The following PRELID2 variants were observed in gnomAD, a reference collection of about 807,000 sequenced individuals.
PRELID2 encodes the protein PRELI domain containing 2, also known as PRELI domain-containing protein 2.
In PRELID2, 25 loss-of-function variants were observed where a neutral mutation model predicts 28.4. The ratio of observed to expected loss-of-function variants is 0.88; its 90% CI spans 0.64 to 1.23. The LOEUF is 1.23. Among genes scored for constraint, PRELID2 ranks in the 50% most tolerant of loss-of-function variants. The pLI, the probability that PRELID2 is intolerant of heterozygous loss-of-function variation, is 0.00. For missense variants in PRELID2, 201 were observed against 214.4 expected, an observed-to-expected ratio of 0.94 and a Z score of 0.39; for synonymous variants, 76 against 71.6, an observed-to-expected ratio of 1.06 and a Z score of -0.31.
chr5:145,565,999 G>A (rs1172857976), intron 1 of PRELID2, among the ~76,000 whole-genome samples: 1 of 152,224 alleles, frequency 6.6e-6, no homozygotes, highest in Non-Finnish European at 1.5e-5. Flanking sequence ...TCTACGTGAA[G>A]CTCATGGTTA....
At chr5:145,631,721 A>T (rs1376481782) in intron 1 of PRELID2, among the ~76,000 whole-genome samples, 2 of 152,220 alleles carry the variant, frequency 1.3e-5, no homozygotes, top group African/African-American at 4.8e-5. Flanking sequence ...TAAAGGCAGT[A>T]ACTCTATATT....
intron 1 of PRELID2, among the ~76,000 whole-genome samples, chr5:145,542,179 C>A (rs192894859): frequency 3.3e-5 from 5 of 152,076 alleles, no homozygotes; most frequent in African/African-American, 1.2e-4. Context: ...GCCCACCTTT[C>A]GGTCTCCTCT....
intron 1 of PRELID2, among the ~76,000 whole-genome samples, chr5:145,508,789 G>A (rs1313174691): frequency 1.3e-5 from 2 of 152,116 alleles, no homozygotes; most frequent in African/African-American, 2.4e-5. Flanking sequence ...AAACATGCAG[G>A]AAGTCGCTGG....
chr5:145,620,011 A>G (rs1368218356), intron 1 of PRELID2, among the ~76,000 whole-genome samples: 1 of 152,204 alleles, frequency 6.6e-6, no homozygotes, highest in Admixed American at 6.5e-5. Context: ...ACTATTGTAA[A>G]TTATTTTAGG....
At chr5:145,389,144 C>A in the PRELID2 span, among the ~76,000 whole-genome samples, 2 of 152,164 alleles carry the variant, frequency 1.3e-5, no homozygotes, top group Non-Finnish European at 2.9e-5. Flanking sequence ...TAAATTGCAA[C>A]TTTCCTATGG....
At chr5:145,319,724 TAA>T in the PRELID2 span, among the ~76,000 whole-genome samples, 1 of 150,060 alleles carries the variant, frequency 6.7e-6, no homozygotes, top group African/African-American at 2.5e-5. Flanking sequence ...AATAAATAAA[TAA>T]ATAATTTTTA....
intron 1 of PRELID2, among the ~76,000 whole-genome samples, chr5:145,500,381 C>T (rs58164465): frequency 0.022 from 3,328 of 152,032 alleles, 114 homozygotes; most frequent in African/African-American, 0.075. Context: ...TTCCTGAGGC[C>T]TCCCCGGAAG....
At chr5:145,724,587 CAAG>C (rs1323859471) in intron 1 of PRELID2, among the ~76,000 whole-genome samples, 21 of 55,404 alleles carry the variant, frequency 3.8e-4, no homozygotes, top group African/African-American at 9.6e-4. Flanking sequence ...ACTGAAATAA[CAAG>C]AAGTAAATAA....
chr5:145,399,533 C>G, the PRELID2 span, among the ~76,000 whole-genome samples: 1 of 152,000 alleles, frequency 6.6e-6, no homozygotes, highest in African/African-American at 2.4e-5. Flanking sequence ...AACATAAATA[C>G]CTCCTTTTAT....
chr5:145,337,738 C>T, the PRELID2 span, among the ~76,000 whole-genome samples: 14 of 125,282 alleles, frequency 1.1e-4, no homozygotes, highest in African/African-American at 3.9e-4. Flanking sequence ...TATACTCACA[C>T]ACACACACAC....
At chr5:145,461,705 A>G in the PRELID2 span, among the ~76,000 whole-genome samples, 1 of 152,230 alleles carries the variant, frequency 6.6e-6, no homozygotes, top group Non-Finnish European at 1.5e-5. Context: ...ATTCTATAAA[A>G]GGCCTTCAAT....
At position 145,725,762 on chromosome 5, in the gene PRELID2, T is replaced by C. The variant is rs62392316; in HGVS notation, n.70+39169A>G. On this transcript the variant is annotated intron_variant and non_coding_transcript_variant, in intron 1 of 2. Coordinates refer to the PRELID2 transcript ENST00000510259. Reference sequence around the variant, plus strand: ...CCATAGAGACTGAGAAATGTGGTTCTATTGCCTTCAATGATTATATCTCAA... The same window carrying C: ...CCATAGAGACTGAGAAATGTGGTTCCATTGCCTTCAATGATTATATCTCAA... Among the ~76,000 whole-genome samples the C allele has an allele frequency of 7.8e-3, 1,183 of 152,328 alleles. 10 individuals carry two copies. The highest frequency in any genetic ancestry group is 0.048 in the Middle Eastern group (14 of 294).
intron 1 of PRELID2, among the ~76,000 whole-genome samples, chr5:145,575,783 C>A (rs1753055526): frequency 6.6e-6 from 1 of 152,098 alleles, no homozygotes; most frequent in South Asian, 2.1e-4. Context: ...TTAGACCTTG[C>A]ATATATTGCG....
chr5:145,421,381 T>C, the PRELID2 span, among the ~76,000 whole-genome samples: 1 of 151,112 alleles, frequency 6.6e-6, no homozygotes, highest in Non-Finnish European at 1.5e-5. Flanking sequence ...TTTTGGTTGG[T>C]AAGCTATTGA....
chr5:145,379,068 T>C, the PRELID2 span, among the ~76,000 whole-genome samples: 1 of 152,200 alleles, frequency 6.6e-6, no homozygotes, highest in Non-Finnish European at 1.5e-5. Flanking sequence ...GCTGGACTTA[T>C]TTCTGGAAGA....
At chr5:145,488,188 C>A (rs897230934) in intron 1 of PRELID2, among the ~76,000 whole-genome samples, 2 of 149,726 alleles carry the variant, frequency 1.3e-5, no homozygotes, top group African/African-American at 4.9e-5. Context: ...CCTTTCTGTT[C>A]TGATTTGGAG....
intron 1 of PRELID2, among the ~76,000 whole-genome samples, chr5:145,545,523 C>T (rs1752778932): frequency 6.6e-6 from 1 of 151,794 alleles, no homozygotes; most frequent in Non-Finnish European, 1.5e-5. Flanking sequence ...TAGGCTCCTT[C>T]CACCTGTGGT....
chr5:145,401,710 T>A, the PRELID2 span, among the ~76,000 whole-genome samples: 1 of 152,198 alleles, frequency 6.6e-6, no homozygotes, highest in Non-Finnish European at 1.5e-5. Context: ...ACTATGGACT[T>A]GATGTGCACA....
At chr5:145,613,258 G>C (rs904939124) in intron 1 of PRELID2, among the ~76,000 whole-genome samples, 1 of 151,784 alleles carries the variant, frequency 6.6e-6, no homozygotes, top group Admixed American at 6.6e-5. Flanking sequence ...TCATATGTTT[G>C]CTGGCTATTT....
Sources: gnomAD v4.1 joint callset for allele counts (sites outside exome capture counted in the v4.1 genomes callset) on GRCh38, gnomAD v4.1.1 for gene constraint, MANE v1.5 for transcripts, NCBI Gene and HGNC (gene_info 2026-07-23, HGNC 2026-07-21) for gene names.